CHST8: variants seen among roughly 807,000 people sequenced by gnomAD.
CHST8 encodes the protein GALNAC-4-ST1.
A neutral mutation model predicts 15.0 loss-of-function variants in CHST8; 10 were observed. The observed-to-expected ratio is 0.67, with a 90% CI of 0.41 to 1.13. CHST8 has a LOEUF of 1.13. Ranked by LOEUF, CHST8 falls within the 50% of genes most tolerant of loss-of-function variation. CHST8 has a pLI of 0.00. For synonymous variants in CHST8, 259 were observed against 256.6 expected, an observed-to-expected ratio of 1.01 and a Z score of -0.09; for missense variants, 634 against 608.2, an observed-to-expected ratio of 1.04 and a Z score of -0.45.
chr19:33,737,132 A>T (rs1599602875), intron 3 of CHST8, among the ~76,000 whole-genome samples: 1 of 152,168 alleles, frequency 6.6e-6, no homozygotes, highest in East Asian at 1.9e-4. Context: ...TTCCAGAAAA[A>T]CTCATTAATA....
intron 3 of CHST8, among the ~76,000 whole-genome samples, chr19:33,739,689 C>T (rs1346717581): frequency 6.6e-6 from 1 of 152,194 alleles, no homozygotes; most frequent in Admixed American, 6.5e-5. Context: ...AAACATCATT[C>T]CTAAGAGCTC....
intron 3 of CHST8, among the ~76,000 whole-genome samples, chr19:33,725,039 A>G (rs528356876): frequency 2.0e-5 from 3 of 151,988 alleles, no homozygotes; most frequent in Non-Finnish European, 2.9e-5. Context: ...GGAGACCAGC[A>G]CTGCTGTGTG....
chr19:33,771,979 A>T lies in CHST8; in HGVS notation c.191A>T (p.Gln64Leu). Residue 64 changes from glutamine to leucine, a missense_variant, in exon 5 of 5, where the codon CAG becomes CTG. By Grantham distance (113) the Gln-to-Leu change is moderately radical. Transcript: ENST00000650847. Reference sequence around the variant, plus strand: ...CAGGACCTCCCACCAGGCGGCTCCCAGGATGGTGACTTGAAGGAACCCACA... The same window carrying T: ...CAGGACCTCCCACCAGGCGGCTCCCTGGATGGTGACTTGAAGGAACCCACA... ...PHHDLPPGGS[Q>L]DGDLKEPTER... The T allele has an allele frequency of 6.3e-7, 1 of 1,577,782 alleles. No individual in the cohort carries two copies. Among genetic ancestry groups the T allele is most frequent in the Non-Finnish European group, 8.6e-7 (1 of 1,165,048 alleles).
At chr19:33,751,869 GCCT>G (rs1299204426) in intron 3 of CHST8, among the ~76,000 whole-genome samples, 1 of 152,194 alleles carries the variant, frequency 6.6e-6, no homozygotes, top group East Asian at 1.9e-4. Context: ...TCAGCATGGG[GCCT>G]GCGGCACCAG....
At chr19:33,766,515 T>A (rs1974846770) in intron 3 of CHST8, among the ~76,000 whole-genome samples, 1 of 152,168 alleles carries the variant, frequency 6.6e-6, no homozygotes, top group African/African-American at 2.4e-5. Flanking sequence ...GAGGCCTTTC[T>A]TGTGTGCACC....
chr19:33,721,981 T>TTGGA (rs1340055096), intron 3 of CHST8, among the ~76,000 whole-genome samples: 5 of 116,104 alleles, frequency 4.3e-5, no homozygotes, highest in African/African-American at 1.4e-4. Context: ...GGATGGCTGT[T>TTGGA]TGGATGGATG....
intron 2 of CHST8, among the ~76,000 whole-genome samples, chr19:33,676,321 G>A (rs1303899179): frequency 6.6e-6 from 1 of 152,158 alleles, no homozygotes; most frequent in Non-Finnish European, 1.5e-5. Context: ...TGTAATCCTA[G>A]CCCTTTGAGA....
chr19:33,771,884 G>C, intron 4 of CHST8, 73 bp from the exon 5 acceptor site: 1 of 1,494,414 alleles, frequency 6.7e-7, no homozygotes, highest in Non-Finnish European at 9.0e-7. Context: ...GCCGTGGTGA[G>C]AGCCTGACCT....
chr19:33,735,162 G>A (rs1035422030), intron 3 of CHST8, among the ~76,000 whole-genome samples: 11 of 152,232 alleles, frequency 7.2e-5, no homozygotes, highest in African/African-American at 2.7e-4. Flanking sequence ...AGAGATGGAA[G>A]AGAGGGCAGG....
At chr19:33,759,909 G>A (rs951422759) in intron 3 of CHST8, among the ~76,000 whole-genome samples, 5 of 152,222 alleles carry the variant, frequency 3.3e-5, no homozygotes, top group African/African-American at 9.6e-5. Flanking sequence ...TTCAGACCAC[G>A]GAAATCAGCA....
rs564996363 is a variant in CHST8, at chr19:33,686,389, G to A, written c.-86-2787G>A. On this transcript the variant is annotated intron_variant, in intron 2 of 4. Coordinates refer to ENST00000650847, the MANE Select transcript of CHST8 (RefSeq NM_001127895.2). Reference sequence around the variant, plus strand: ...GCGGTTCAGAAACAAGTGAGGACAGGTCTTCGCTGCAGACCCATTTAGTCC... The same window carrying A: ...GCGGTTCAGAAACAAGTGAGGACAGATCTTCGCTGCAGACCCATTTAGTCC... Among the ~76,000 whole-genome samples, 14 of 152,258 alleles carry A rather than the reference G, an allele frequency of 9.2e-5. No homozygotes were observed. In the South Asian group the frequency reaches 2.9e-3, roughly 32 times the overall value.
At chr19:33,728,574 C>A (rs1348104379) in intron 3 of CHST8, among the ~76,000 whole-genome samples, 1 of 152,226 alleles carries the variant, frequency 6.6e-6, no homozygotes, top group Admixed American at 6.5e-5. Flanking sequence ...CAAGAGAGAA[C>A]CCCGCATGGC....
intron 2 of CHST8, among the ~76,000 whole-genome samples, chr19:33,687,646 A>G (rs1255132093): frequency 6.6e-6 from 1 of 152,154 alleles, no homozygotes; most frequent in Admixed American, 6.5e-5. Context: ...ACTGAGTGAA[A>G]AAATAATTAT....
chr19:33,670,404 C>A (rs1171490331), intron 2 of CHST8, among the ~76,000 whole-genome samples: 1 of 152,206 alleles, frequency 6.6e-6, no homozygotes, highest in Non-Finnish European at 1.5e-5. Context: ...CAAAATTGAT[C>A]ATTCTGAATA....
chr19:33,746,774 C>T (rs185089029), intron 3 of CHST8, among the ~76,000 whole-genome samples: 50 of 152,096 alleles, frequency 3.3e-4, no homozygotes, highest in Admixed American at 2.6e-3. Context: ...CGTCACCTAA[C>T]AAAAGACCCT....
At chr19:33,740,556 A>G (rs1176521455) in intron 3 of CHST8, among the ~76,000 whole-genome samples, 1 of 152,204 alleles carries the variant, frequency 6.6e-6, no homozygotes, top group Non-Finnish European at 1.5e-5. Flanking sequence ...CAGACTGGCA[A>G]TGTAAGTCGG....
rs190522345 is a variant in CHST8 at position 33,651,897 on chromosome 19, C to T, written c.-163-15870C>T. ...GTTGCGTTCAGAAGTCTATATAGATCGGTACCTATATACATTCTTTAACTC... is the reference window on the plus strand; with the variant it reads ...GTTGCGTTCAGAAGTCTATATAGATTGGTACCTATATACATTCTTTAACTC... On this transcript the variant is annotated intron_variant, in intron 1 of 4. Transcript: ENST00000650847. 1.3e-3 allele frequency among the ~76,000 whole-genome samples: 205 copies of T among 152,160 alleles called. 1 individual carries two copies. The highest frequency in any genetic ancestry group is 4.1e-3 in the African/African-American group (171 of 41,516).
intron 3 of CHST8, among the ~76,000 whole-genome samples, chr19:33,768,212 G>C (rs1321571133): frequency 6.6e-6 from 1 of 152,102 alleles, no homozygotes; most frequent in Non-Finnish European, 1.5e-5. Flanking sequence ...CTTCCTAGTG[G>C]GGACACTAGG....
At chr19:33,716,435 C>T (rs917017829) in intron 3 of CHST8, among the ~76,000 whole-genome samples, 3 of 152,172 alleles carry the variant, frequency 2.0e-5, no homozygotes, top group Non-Finnish European at 4.4e-5. Flanking sequence ...GGCACGATCA[C>T]GACTCACCAC....
Sources: allele counts gnomAD v4.1 joint callset (sites outside exome capture counted in the v4.1 genomes callset), GRCh38; gene constraint gnomAD v4.1.1; transcripts MANE v1.5; gene names NCBI Gene and HGNC (gene_info 2026-07-23, HGNC 2026-07-21).